Variants in DHRS7B observed in about 807,000 individuals in gnomAD.
The protein encoded by DHRS7B is peroxisomal reductase activating PPAR-gamma.
Under a neutral mutation model 26.4 loss-of-function variants are expected in DHRS7B, and 24 were observed. That is an observed-to-expected ratio of 0.91 (90% CI 0.66 to 1.28). The LOEUF (loss-of-function observed/expected upper bound fraction) is 1.28, where lower values mean the gene tolerates loss of function less well. Among genes scored for constraint, DHRS7B ranks in the 50% most tolerant of loss-of-function variants. The pLI is 0.00. For synonymous variants in DHRS7B, 142 were observed against 166.4 expected, an observed-to-expected ratio of 0.85 and a Z score of 1.13; for missense variants, 368 against 419.4, an observed-to-expected ratio of 0.88 and a Z score of 1.07.
chr17:21,146,454 T>G (rs1216479170), intron 1 of DHRS7B, among the ~76,000 whole-genome samples: 1 of 152,212 alleles, frequency 6.6e-6, no homozygotes, highest in Non-Finnish European at 1.5e-5. Context: ...TATTTAATCC[T>G]TTCTGCAGTC....
chr17:21,151,443 G>T (rs538021031), intron 1 of DHRS7B, among the ~76,000 whole-genome samples: 1 of 150,906 alleles, frequency 6.6e-6, no homozygotes, highest in African/African-American at 2.4e-5. Context: ...AACCTGGGAG[G>T]CGGAGTTGGC....
intron 1 of DHRS7B, 156 bp downstream of exon 1, chr17:21,127,147 T>C (rs1295907671): frequency 6.7e-6 from 5 of 747,842 alleles, no homozygotes; most frequent in Non-Finnish European, 1.0e-5. Flanking sequence ...CGCCGAACTC[T>C]GAAGGAAGAC....
intron 1 of DHRS7B, among the ~76,000 whole-genome samples, chr17:21,138,075 A>AAAAAAAAAATATATAT (rs1238830544): frequency 6.0e-5 from 2 of 33,226 alleles, no homozygotes; most frequent in African/African-American, 2.8e-4. Flanking sequence ...TTAAAAAAAA[A>AAAAAAAAAATATATAT]ATATATATAT....
At chr17:21,142,865 C>T (rs898978520) in intron 1 of DHRS7B, among the ~76,000 whole-genome samples, 1 of 152,182 alleles carries the variant, frequency 6.6e-6, no homozygotes, top group African/African-American at 2.4e-5. Context: ...TGAGCAGTTC[C>T]TAGCTTGAAG....
chr17:21,159,148 G>C (rs1345163384), intron 1 of DHRS7B, among the ~76,000 whole-genome samples: 3 of 152,094 alleles, frequency 2.0e-5, no homozygotes, highest in Non-Finnish European at 4.4e-5. Flanking sequence ...TGATAAACTG[G>C]ACTTCATTAA....
intron 1 of DHRS7B, among the ~76,000 whole-genome samples, chr17:21,133,295 G>A (rs1973277932): frequency 6.6e-6 from 1 of 152,214 alleles, no homozygotes; most frequent in African/African-American, 2.4e-5. Context: ...CTGATGACAT[G>A]TGCCCAGGGT....
chr17:21,163,089 A>G lies in DHRS7B; in HGVS notation c.21-8929A>G, dbSNP rs185570927. Reference sequence around the variant, plus strand: ...CGGGCACTTGTAATCCCAGCTACTCAGAAGGCTGAGGCAGGAGAATCGCTT... The same window carrying G: ...CGGGCACTTGTAATCCCAGCTACTCGGAAGGCTGAGGCAGGAGAATCGCTT... On this transcript the variant is annotated intron_variant, in intron 1 of 6. Coordinates refer to ENST00000395511, the MANE Select transcript of DHRS7B (RefSeq NM_015510.5). Among the ~76,000 whole-genome samples, 178 of 152,056 alleles carry G rather than the reference A, an allele frequency of 1.2e-3. 2 individuals carry two copies. Among genetic ancestry groups the G allele is most frequent in the African/African-American group, 4.1e-3 (170 of 41,484 alleles).
chr17:21,186,093 G>T (rs753110636), intron 5 of DHRS7B, among the ~76,000 whole-genome samples: 12 of 152,194 alleles, frequency 7.9e-5, no homozygotes, highest in Non-Finnish European at 1.5e-4. Context: ...ACAATGGTTG[G>T]TCTCCGTATT....
chr17:21,176,115 T>C (rs1460572878), intron 2 of DHRS7B, among the ~76,000 whole-genome samples: 1 of 151,988 alleles, frequency 6.6e-6, no homozygotes, highest in African/African-American at 2.4e-5. Context: ...CTTAGCCTCC[T>C]GAGTAGCTGG....
intron 5 of DHRS7B, among the ~76,000 whole-genome samples, chr17:21,186,015 A>G (rs537330874): frequency 2.0e-5 from 3 of 152,248 alleles, no homozygotes; most frequent in African/African-American, 7.2e-5. Context: ...ATTATTTTCA[A>G]GTTTTACTTT....
chr17:21,138,746 C>A (rs1487503166), intron 1 of DHRS7B, among the ~76,000 whole-genome samples: 1 of 151,968 alleles, frequency 6.6e-6, no homozygotes, highest in Non-Finnish European at 1.5e-5. Context: ...AACTTGTTCA[C>A]CCTTTTTTAA....
At chr17:21,129,665 A>C (rs2143837319) in intron 1 of DHRS7B, among the ~76,000 whole-genome samples, 1 of 145,576 alleles carries the variant, frequency 6.9e-6, no homozygotes, top group South Asian at 2.2e-4. Flanking sequence ...TGATAATACT[A>C]CGGCACTCCA....
intron 2 of DHRS7B, among the ~76,000 whole-genome samples, chr17:21,176,682 A>C (rs890279467): frequency 4.6e-5 from 7 of 151,996 alleles, no homozygotes; most frequent in Non-Finnish European, 7.4e-5. Flanking sequence ...CACTGTGGTA[A>C]GAGATTACCT....
intron 1 of DHRS7B, among the ~76,000 whole-genome samples, chr17:21,143,318 T>C (rs922349345): frequency 1.3e-5 from 2 of 152,212 alleles, no homozygotes; most frequent in African/African-American, 4.8e-5. Flanking sequence ...AGCCTTGGCC[T>C]CCCAAAATGC....
intron 1 of DHRS7B, among the ~76,000 whole-genome samples, chr17:21,166,919 C>T (rs905321178): frequency 1.3e-5 from 2 of 152,052 alleles, no homozygotes; most frequent in African/African-American, 2.4e-5. Context: ...TTGAGATCCC[C>T]TCCTTTGATT....
At chr17:21,171,730 T>G (rs1974251679) in intron 1 of DHRS7B, 1 of 521,446 alleles carries the variant, frequency 1.9e-6, no homozygotes, top group African/African-American at 1.9e-5. Context: ...CCTGTAACAC[T>G]GTGGGTGACT....
At chr17:21,138,076 ATATATAT>A (rs1324155426) in intron 1 of DHRS7B, among the ~76,000 whole-genome samples, 7 of 85,548 alleles carry the variant, frequency 8.2e-5, no homozygotes, top group African/African-American at 3.3e-4. Flanking sequence ...TAAAAAAAAA[ATATATAT>A]ATATATATAT....
At chr17:21,163,683 A>G (rs1269517222) in intron 1 of DHRS7B, among the ~76,000 whole-genome samples, 2 of 152,144 alleles carry the variant, frequency 1.3e-5, no homozygotes, top group Middle Eastern at 3.2e-3. Context: ...CTTAGTCCAC[A>G]CACACAGTGG....
At chr17:21,148,893 G>T (rs1973699492) in intron 1 of DHRS7B, among the ~76,000 whole-genome samples, 1 of 152,122 alleles carries the variant, frequency 6.6e-6, no homozygotes, top group Non-Finnish European at 1.5e-5. Flanking sequence ...AGAGCAAAGG[G>T]TAGAAAGCTT....
Sources: allele counts gnomAD v4.1 joint callset (sites outside exome capture counted in the v4.1 genomes callset), GRCh38; gene constraint gnomAD v4.1.1; transcripts MANE v1.5; gene names NCBI Gene and HGNC (gene_info 2026-07-23, HGNC 2026-07-21).